Variants in LRRC8B observed in about 807,000 individuals in gnomAD.
LRRC8B encodes the protein volume-regulated anion channel subunit LRRC8B.
In LRRC8B, 23 loss-of-function variants were observed where a neutral mutation model predicts 58.8. That is an observed-to-expected ratio of 0.39 (90% confidence interval 0.28 to 0.55). The LOEUF is 0.55. LRRC8B is among the 20% of genes least tolerant of loss of function. The probability of loss-of-function intolerance (pLI) is 0.62; values close to 1 mark genes in which losing one functional copy is unlikely to be tolerated. For missense variants in LRRC8B, 694 were observed against 936.0 expected, an observed-to-expected ratio of 0.74 and a Z score of 3.37; for synonymous variants, 359 against 374.1, an observed-to-expected ratio of 0.96 and a Z score of 0.47.
intron 1 of LRRC8B, among the ~76,000 whole-genome samples, chr1:89,562,150 A>AACACACACACACACACACACAC (rs59568247): frequency 2.1e-4 from 30 of 139,612 alleles, no homozygotes; most frequent in South Asian, 4.8e-4. Flanking sequence ...CACCTCCCAA[A>AACACACACACACACACACACAC]ACACACACAC....
intron 1 of LRRC8B, among the ~76,000 whole-genome samples, chr1:89,539,109 T>C (rs1650759585): frequency 6.6e-6 from 1 of 152,202 alleles, no homozygotes; most frequent in African/African-American, 2.4e-5. Flanking sequence ...ATTGACATTT[T>C]AGGGTATTTT....
intron 1 of LRRC8B, among the ~76,000 whole-genome samples, chr1:89,552,013 A>G (rs1046184574): frequency 2.0e-5 from 3 of 151,960 alleles, no homozygotes; most frequent in African/African-American, 7.3e-5. Flanking sequence ...TTCCTTTTAC[A>G]TTTCATTCTT....
At position 89,583,620 on chromosome 1, in the gene LRRC8B, A is replaced by T; in HGVS notation, c.970A>T (p.Ile324Leu). Residue 324 changes from isoleucine (I) to leucine (L), a missense_variant, in exon 5 of 6, where the codon ATA becomes TTA. Ile to Leu is a conservative substitution (Grantham distance 5). Around this residue, in one of 5 missense-constraint regions of LRRC8B, gnomAD observed 316 missense variants for 403.8 expected, o/e 0.78. Coordinates refer to ENST00000330947, the MANE Select transcript of LRRC8B (RefSeq NM_001369817.2). This position sits in a 1 kb window ranked among gnomAD's most constrained non-coding sequence, Gnocchi z 5.2. Reference protein sequence around the residue: ...VLASFYVILVILYGLTSSYSL... With the variant: ...VLASFYVILVLLYGLTSSYSL... ...GGCTTCATTTTATGTCATTTTGGTT[A>T]TACTTTATGGTCTGACCTCTTCCTA... 6.2e-7 allele frequency: 1 copy of T among 1,612,580 alleles called. No individual in the cohort carries two copies. The highest frequency in any genetic ancestry group is 8.5e-7 in the Non-Finnish European group (1 of 1,180,024).
intron 3 of LRRC8B, among the ~76,000 whole-genome samples, chr1:89,573,038 C>T (rs962434063): frequency 1.3e-5 from 2 of 152,090 alleles, no homozygotes; most frequent in Non-Finnish European, 2.9e-5. Context: ...CGGTGGTTCA[C>T]GCCTGTAATC....
At position 89,582,618 on chromosome 1, in the gene LRRC8B, C is replaced by A. The variant is rs149543545; in HGVS notation, c.-26-7C>A. The A allele has an allele frequency of 9.2e-5, 138 of 1,497,098 alleles. No individual in the cohort carries two copies. The African/African-American group carries it at 1.8e-3, about 19-fold the overall frequency. 92.7% of individuals were successfully genotyped at this position (1,497,098 alleles called of 1,614,324 possible). Reference sequence around the variant, plus strand: ...TCAGTAGTGTTTCTTTTATTTCCCTCTTCCAGTTTCTGTCCTCCTACAAGG... The same window carrying A: ...TCAGTAGTGTTTCTTTTATTTCCCTATTCCAGTTTCTGTCCTCCTACAAGG... On this transcript the variant is annotated splice_polypyrimidine_tract_variant and splice_region_variant and intron_variant, in intron 4 of 5. Transcript: ENST00000330947.
In LRRC8B at chr1:89,582,814, G is replaced by A; in HGVS notation, c.164G>A (p.Cys55Tyr). The A allele has an allele frequency of 6.2e-7, 1 of 1,614,192 alleles. No homozygotes were observed. The highest frequency in any genetic ancestry group is 1.1e-5 in the South Asian group (1 of 91,084). The change falls in exon 5 of 6, where the codon TGT becomes TAT. Residue 55 changes from cysteine to tyrosine, a missense_variant. Cys to Tyr is a radical substitution (Grantham distance 194). Transcript: ENST00000330947. ...LQLTQSRVLCCLPCKVEFDNH... is the reference protein window; with the variant it reads ...LQLTQSRVLCYLPCKVEFDNH... ...CTGACGCAGAGCAGGGTTCTGTGCT[G>A]TCTTCCATGCAAAGTGGAATTTGAC...
At chr1:89,573,417 A>G (rs1653614516) in intron 3 of LRRC8B, among the ~76,000 whole-genome samples, 1 of 151,668 alleles carries the variant, frequency 6.6e-6, no homozygotes, top group African/African-American at 2.4e-5. Context: ...ATTTATAATT[A>G]TTTATTTTAT....
intron 1 of LRRC8B, among the ~76,000 whole-genome samples, chr1:89,543,583 C>T (rs1479172497): frequency 2.0e-5 from 3 of 151,908 alleles, no homozygotes; most frequent in Non-Finnish European, 2.9e-5. Flanking sequence ...GCAACCTCTG[C>T]CTCCCGGGTT....
At position 89,551,933 on chromosome 1, in the gene LRRC8B, T is replaced by G. The variant is rs141488204; in HGVS notation, c.-240-16314T>G. ...CTAGCCACATGATTTGATTATTATA[T>G]ATATTTATATACATGCATGTACCGT... is the stretch of plus-strand genomic sequence containing the variant. On this transcript the variant is annotated intron_variant, in intron 1 of 5. Transcript: ENST00000330947. Among the ~76,000 whole-genome samples, 334 of 152,330 alleles carry G rather than the reference T, an allele frequency of 2.2e-3. 4 individuals are homozygous for G. Among genetic ancestry groups the G allele is most frequent in the Non-Finnish European group, 1.9e-3 (128 of 68,036 alleles).
At position 89,583,911 on chromosome 1, in the gene LRRC8B, A is replaced by C; in HGVS notation, c.1261A>C (p.Lys421Gln). ...TAAGCTTGTGAAAAATGCCCAGGAC[A>C]AGATAGAACTGCATCTTTTTATGCT... ...KSKLVKNAQD[K>Q]IELHLFMLNG... The change falls in exon 5 of 6, where the codon AAG (lysine) becomes CAG (glutamine). Residue 421 changes from lysine (K) to glutamine (Q), a missense_variant. Lys to Gln is a moderately conservative substitution (Grantham distance 53). Around this residue, in one of 5 missense-constraint regions of LRRC8B, gnomAD observed 162 missense variants for 198.5 expected, o/e 0.82. Coordinates refer to ENST00000330947, the MANE Select transcript of LRRC8B (RefSeq NM_001369817.2). This position sits in a 1 kb window ranked among gnomAD's most constrained non-coding sequence, Gnocchi z 5.2. 1 of 1,614,230 alleles carries C rather than the reference A, an allele frequency of 6.2e-7. No individual in the cohort carries two copies. Among genetic ancestry groups the C allele is most frequent in the South Asian group, 1.1e-5 (1 of 91,088 alleles).
intron 1 of LRRC8B, among the ~76,000 whole-genome samples, chr1:89,554,773 A>G (rs1652058837): frequency 6.6e-6 from 1 of 152,074 alleles, no homozygotes; most frequent in Non-Finnish European, 1.5e-5. Context: ...AAATAGGTAA[A>G]TATTATTTTT....
intron 1 of LRRC8B, among the ~76,000 whole-genome samples, chr1:89,553,911 A>C (rs1358936723): frequency 6.6e-6 from 1 of 152,092 alleles, no homozygotes; most frequent in Non-Finnish European, 1.5e-5. Flanking sequence ...ATGTCCCTAA[A>C]TGTATTTTTC....
intron 5 of LRRC8B, among the ~76,000 whole-genome samples, chr1:89,586,454 C>A (rs1029155661): frequency 2.0e-5 from 3 of 152,132 alleles, no homozygotes; most frequent in Non-Finnish European, 4.4e-5. Flanking sequence ...AAATCACTTT[C>A]AAAAATGGAT....
In LRRC8B at chr1:89,596,006, C is replaced by T. The variant is rs1655271459; in HGVS notation, c.*2963C>T. 1 of 151,962 alleles carries T rather than the reference C, an allele frequency of 6.6e-6. No homozygotes were observed. Among genetic ancestry groups the T allele is most frequent in the Admixed American group, 6.6e-5 (1 of 15,252 alleles). 9.4% of individuals were successfully genotyped at this position (151,962 alleles called of 1,614,324 possible). ...TTTTATTTGCATGCACACACAGACACACATACTTCATATATGCAAATTATA... is the reference window on the plus strand; with the variant it reads ...TTTTATTTGCATGCACACACAGACATACATACTTCATATATGCAAATTATA... On this transcript the variant is annotated 3_prime_UTR_variant, in exon 6 of 6. Coordinates refer to ENST00000330947, the MANE Select transcript of LRRC8B (RefSeq NM_001369817.2).
At chr1:89,546,797 A>G (rs1057477362) in intron 1 of LRRC8B, among the ~76,000 whole-genome samples, 7 of 152,178 alleles carry the variant, frequency 4.6e-5, no homozygotes, top group African/African-American at 1.7e-4. Flanking sequence ...TGCTGAAGCT[A>G]TTTCTCTATA....
At chr1:89,530,595 A>G (rs1227163900) in intron 1 of LRRC8B, among the ~76,000 whole-genome samples, 3 of 152,136 alleles carry the variant, frequency 2.0e-5, no homozygotes, top group African/African-American at 7.2e-5. Flanking sequence ...ATCCTTAGCA[A>G]ATGGAATTTG....
At chr1:89,550,050 G>T (rs1216756217) in intron 1 of LRRC8B, 2 of 152,174 alleles carry the variant, frequency 1.3e-5, no homozygotes, top group African/African-American at 4.8e-5. Flanking sequence ...GCTAGGATAA[G>T]TCACTTGTCC....
At chr1:89,556,529 A>T (rs944769121) in intron 1 of LRRC8B, among the ~76,000 whole-genome samples, 23 of 152,130 alleles carry the variant, frequency 1.5e-4, no homozygotes, top group African/African-American at 5.1e-4. Context: ...GCAGTCTTGT[A>T]GAATGGAGCC....
intron 3 of LRRC8B, among the ~76,000 whole-genome samples, chr1:89,571,935 G>C (rs192176270): frequency 1.3e-3 from 203 of 152,252 alleles, no homozygotes; most frequent in African/African-American, 4.7e-3. Context: ...TTGATTCAGT[G>C]CTGAGTTTAG....
Sources: gnomAD v4.1 joint callset for allele counts (sites outside exome capture counted in the v4.1 genomes callset) on GRCh38, gnomAD v4.1.1 for gene constraint, gnomAD v4.1.1 regional missense constraint, Gnocchi (gnomAD v3.1) non-coding constraint, MANE v1.5 for transcripts, NCBI Gene and HGNC (gene_info 2026-07-23, HGNC 2026-07-21) for gene names.